Variants in LRRTM4 observed in about 807,000 individuals in gnomAD.
LRRTM4 encodes the protein leucine rich repeat transmembrane neuronal 4.
LRRTM4 carries 25 observed loss-of-function variants against 47.6 expected under a neutral mutation model. That is an observed-to-expected ratio of 0.53 (90% CI 0.38 to 0.73). LRRTM4 has a LOEUF of 0.73. Ranked by LOEUF, LRRTM4 falls within the 30% of genes least tolerant of loss-of-function variation. LRRTM4 has a pLI of 0.00. For synonymous variants in LRRTM4, 311 were observed against 269.5 expected (o/e 1.15, Z -1.51); for missense variants, 638 against 713.4 (o/e 0.89, Z 1.20).
intron 3 of LRRTM4, among the ~76,000 whole-genome samples, chr2:76,797,316 T>C (rs1376026219): frequency 6.6e-6 from 1 of 152,004 alleles, no homozygotes; most frequent in African/African-American, 2.4e-5. Flanking sequence ...ATATTCAACA[T>C]TCTTAAAGAA....
Position 77,001,411 on chromosome 2 carries a change from A to G in LRRTM4, c.1552-252495T>C, listed in dbSNP as rs1388289475. Among the ~76,000 whole-genome samples the G allele has an allele frequency of 2.0e-5, 3 of 152,124 alleles. 1 individual carries two copies. Among genetic ancestry groups the G allele is most frequent in the Admixed American group, 1.3e-4 (2 of 15,240 alleles). ...AGGAAAGTGATCTACCTGCTACCTC[A>G]ACAAGCCAACCATATCAGAATGCAA... On this transcript the variant is annotated intron_variant, in intron 3 of 3. Coordinates refer to ENST00000409884, the MANE Select transcript of LRRTM4 (RefSeq NM_001134745.3).
At chr2:77,012,968 A>T (rs1677928460) in intron 3 of LRRTM4, among the ~76,000 whole-genome samples, 2 of 152,356 alleles carry the variant, frequency 1.3e-5, no homozygotes, top group South Asian at 4.1e-4. Context: ...GAAAATACAG[A>T]TGTTCAAGAG....
At chr2:77,292,709 A>C in intron 3 of LRRTM4, among the ~76,000 whole-genome samples, 1 of 34,594 alleles carries the variant, frequency 2.9e-5, no homozygotes, top group South Asian at 1.1e-3. Context: ...GGGTGGGGGG[A>C]GGGGGGAGGG....
At chr2:77,360,982 A>G (rs1358619740) in intron 3 of LRRTM4, among the ~76,000 whole-genome samples, 7 of 152,060 alleles carry the variant, frequency 4.6e-5, no homozygotes, top group Admixed American at 4.6e-4. Context: ...GGATGAATCA[A>G]ACCACTGTGC....
At chr2:77,238,305 G>A (rs956587862) in intron 3 of LRRTM4, among the ~76,000 whole-genome samples, 1 of 151,812 alleles carries the variant, frequency 6.6e-6, no homozygotes, top group Admixed American at 6.6e-5. Context: ...ATTTTTAAAA[G>A]GGACTATATC....
chr2:76,920,742 T>C (rs929199566), intron 3 of LRRTM4, among the ~76,000 whole-genome samples: 1 of 152,118 alleles, frequency 6.6e-6, no homozygotes, highest in Non-Finnish European at 1.5e-5. Flanking sequence ...CAACTTATAG[T>C]GCATGGTAGA....
At chr2:76,932,927 G>T (rs1328397677) in intron 3 of LRRTM4, among the ~76,000 whole-genome samples, 4 of 151,990 alleles carry the variant, frequency 2.6e-5, no homozygotes, top group South Asian at 2.1e-4. Context: ...CACGTGCCAT[G>T]GTGGTTTGCT....
intron 3 of LRRTM4, among the ~76,000 whole-genome samples, chr2:77,095,038 T>C (rs1670768592): frequency 6.6e-6 from 1 of 152,194 alleles, no homozygotes. Context: ...GATAAGAGGC[T>C]AGTATCCAAA....
At chr2:76,907,400 A>G (rs1297123528) in intron 3 of LRRTM4, among the ~76,000 whole-genome samples, 1 of 151,044 alleles carries the variant, frequency 6.6e-6, no homozygotes, top group Non-Finnish European at 1.5e-5. Context: ...GGAAAGATCC[A>G]AAATTGACAC....
At chr2:77,103,680 A>T (rs1383216378) in intron 3 of LRRTM4, among the ~76,000 whole-genome samples, 1 of 125,646 alleles carries the variant, frequency 8.0e-6, no homozygotes, top group Non-Finnish European at 1.6e-5. Context: ...TATATCACAT[A>T]TATGTATATA....
chr2:76,869,286 C>T (rs545114922), intron 3 of LRRTM4, among the ~76,000 whole-genome samples: 212 of 151,068 alleles, frequency 1.4e-3, no homozygotes, highest in African/African-American at 5.1e-3. Flanking sequence ...TCCAGCCTGG[C>T]GAGAGAGCAA....
At chr2:77,078,897 C>G (rs554677424) in intron 3 of LRRTM4, among the ~76,000 whole-genome samples, 17 of 152,274 alleles carry the variant, frequency 1.1e-4, no homozygotes, top group African/African-American at 4.1e-4. Context: ...CAGACACTGA[C>G]AGATTCTGTT....
chr2:77,087,281 G>A (rs185185683), intron 3 of LRRTM4, among the ~76,000 whole-genome samples: 1 of 152,256 alleles, frequency 6.6e-6, no homozygotes, highest in East Asian at 1.9e-4. Context: ...CATTTTTCCT[G>A]TTGACAAATA....
chr2:76,939,375 C>G (rs1408214695), intron 3 of LRRTM4, among the ~76,000 whole-genome samples: 1 of 152,048 alleles, frequency 6.6e-6, no homozygotes, highest in African/African-American at 2.4e-5. Flanking sequence ...CCAAATTCAA[C>G]AGTAAATGGG....
At chr2:77,038,354 G>GT (rs1181574058) in intron 3 of LRRTM4, among the ~76,000 whole-genome samples, 571 of 151,664 alleles carry the variant, frequency 3.8e-3, no homozygotes, top group African/African-American at 0.013. Flanking sequence ...TTGACCTTAG[G>GT]CATGTTAAGC....
chr2:77,335,173 T>C (rs1392674410), intron 3 of LRRTM4, among the ~76,000 whole-genome samples: 1 of 152,224 alleles, frequency 6.6e-6, no homozygotes, highest in East Asian at 1.9e-4. Flanking sequence ...TAGCATGGAA[T>C]TTGAACTTCT....
intron 3 of LRRTM4, among the ~76,000 whole-genome samples, chr2:77,136,065 C>T (rs190043466): frequency 2.0e-3 from 310 of 152,178 alleles, no homozygotes; most frequent in African/African-American, 6.7e-3. Context: ...GTCTACAGCT[C>T]CCAGCCTGAG....
intron 3 of LRRTM4, among the ~76,000 whole-genome samples, chr2:76,967,157 C>CA (rs1676054243): frequency 7.4e-6 from 1 of 134,700 alleles, no homozygotes; most frequent in African/African-American, 2.7e-5. Flanking sequence ...CATTCCCTTG[C>CA]TTTTTTTTTT....
At chr2:76,974,047 C>G (rs1558771288) in intron 3 of LRRTM4, among the ~76,000 whole-genome samples, 2 of 151,160 alleles carry the variant, frequency 1.3e-5, no homozygotes, top group Admixed American at 1.3e-4. Context: ...GGATAATTTC[C>G]AGTTGCTTAG....
Sources: gnomAD v4.1 joint callset for allele counts (sites outside exome capture counted in the v4.1 genomes callset) on GRCh38, gnomAD v4.1.1 for gene constraint, MANE v1.5 for transcripts, NCBI Gene and HGNC (gene_info 2026-07-23, HGNC 2026-07-21) for gene names.